POPDC3: variants seen among roughly 807,000 people sequenced by gnomAD.
POPDC3 encodes popeye domain-containing protein 3.
Under a neutral mutation model 28.2 loss-of-function variants are expected in POPDC3, and 20 were observed. That is an observed-to-expected ratio of 0.71 (90% CI 0.50 to 1.03). POPDC3 has a LOEUF of 1.03. POPDC3 is among the 50% of genes least tolerant of loss of function. The pLI is 0.00. For synonymous variants in POPDC3, 118 were observed against 124.1 expected, an observed-to-expected ratio of 0.95 and a Z score of 0.33; for missense variants, 316 against 345.9, an observed-to-expected ratio of 0.91 and a Z score of 0.69.
chr6:105,173,952 G>C (rs543534517), intron 1 of POPDC3, among the ~76,000 whole-genome samples: 25 of 152,154 alleles, frequency 1.6e-4, no homozygotes, highest in African/African-American at 5.8e-4. Flanking sequence ...AATTGATACA[G>C]AACTTAACAA....
chr6:105,175,544 T>TA (rs1456789339), intron 1 of POPDC3, among the ~76,000 whole-genome samples: 1 of 137,994 alleles, frequency 7.2e-6, no homozygotes, highest in Non-Finnish European at 1.6e-5. Flanking sequence ...TCTCCAAAAT[T>TA]AAAAAAATAA....
chr6:105,177,593 C>T lies in POPDC3; in HGVS notation c.-252+2240G>A, dbSNP rs111550759. Among the ~76,000 whole-genome samples the T allele has an allele frequency of 8.5e-5, 13 of 152,312 alleles. 1 individual carries two copies. Among genetic ancestry groups the T allele is most frequent in the African/African-American group, 2.9e-4 (12 of 41,556 alleles). On this transcript the variant is annotated intron_variant, in intron 1 of 3. Transcript: ENST00000254765. ...GCTGTGCTCTTTCTCTGTGCAGGTA[C>T]TAATTCCTAAAACAGATCCATTTAG...
At chr6:105,174,883 A>C (rs961338434) in intron 1 of POPDC3, among the ~76,000 whole-genome samples, 1 of 152,160 alleles carries the variant, frequency 6.6e-6, no homozygotes, top group Admixed American at 6.6e-5. Flanking sequence ...ATTATATCTG[A>C]AATGGCCAGG....
intron 1 of POPDC3, among the ~76,000 whole-genome samples, chr6:105,167,082 G>C (rs1774471449): frequency 1.3e-5 from 2 of 151,668 alleles, no homozygotes; most frequent in African/African-American, 2.4e-5. Flanking sequence ...AAATCAGAAA[G>C]CTCCTGAATC....
intron 1 of POPDC3, chr6:105,168,671 G>C (rs1170055204): frequency 6.6e-6 from 1 of 152,186 alleles, no homozygotes; most frequent in Non-Finnish European, 1.5e-5. Context: ...ATGCTCCCTT[G>C]ATTAGGTAAC....
chr6:105,158,824 T>C (rs2114522245), intron 3 of POPDC3, 73 bp from the exon 4 acceptor site: 3 of 1,313,770 alleles, frequency 2.3e-6, no homozygotes, highest in Non-Finnish European at 2.1e-6. Flanking sequence ...AGTACCCCAA[T>C]TGTTAAATTA....
intron 1 of POPDC3, among the ~76,000 whole-genome samples, chr6:105,177,802 G>T (rs537414172): frequency 7.9e-5 from 12 of 152,302 alleles, no homozygotes; most frequent in Admixed American, 1.3e-4. Flanking sequence ...GTCACTGGAG[G>T]TTATTATTCT....
intron 3 of POPDC3, 51 bp downstream of exon 3, chr6:105,159,660 A>G (rs1774275418): frequency 1.0e-6 from 1 of 998,232 alleles, no homozygotes; most frequent in Non-Finnish European, 1.6e-6. Context: ...TTTTTAAACA[A>G]ACATCTGTTT....
rs775794652 is a variant in POPDC3, at chr6:105,159,813, T to A, written c.492A>T (p.Arg164Ser). The change falls in exon 3 of 4, where the codon AGA (arginine) becomes AGT (serine). Residue 164 changes from arginine to serine, a missense_variant. Transcript: ENST00000254765. ...GCAGAAATTCGCCATCAACTGTCAC[T>A]CTGATCCTATCAAAACACAAGAACA... ...KLSLLVSGRI[R>S]VTVDGEFLHY... 1 of 1,607,464 alleles carries A rather than the reference T, an allele frequency of 6.2e-7. No homozygotes were observed. The highest frequency in any genetic ancestry group is 1.1e-5 in the South Asian group (1 of 90,900).
At chr6:105,178,777 C>T in intron 1 of POPDC3, 1 of 985,134 alleles carries the variant, frequency 1.0e-6, no homozygotes, top group Non-Finnish European at 1.2e-6. Context: ...AGTTATTGTA[C>T]TCTCACAAGA....
chr6:105,170,309 G>A (rs1055166871), intron 1 of POPDC3, among the ~76,000 whole-genome samples: 2 of 152,184 alleles, frequency 1.3e-5, no homozygotes, highest in Non-Finnish European at 2.9e-5. Context: ...AGAGAAACTA[G>A]ATACATTAAG....
At position 105,161,606 on chromosome 6, in the gene POPDC3, T is replaced by A. The variant is rs188736126; in HGVS notation, c.304A>T (p.Ile102Leu). 4.0e-5 allele frequency: 64 copies of A among 1,614,176 alleles called. No homozygotes were observed. The East Asian group carries it at 1.4e-3, about 34-fold the overall frequency. The change falls in exon 2 of 4, where the codon ATA becomes TTA. Residue 102 changes from isoleucine to leucine, a missense_variant. Physicochemically the swap from Ile to Leu is conservative, Grantham distance 5. Transcript: ENST00000254765. ...FVHIAYQVRS[I>L]TFAREFQVLY... ...ACTTGGAATTCTCGGGCAAAGGTTA[T>A]GCTGCGAACTTGATATGCAATATGA... is the stretch of plus-strand genomic sequence containing the variant.
intron 1 of POPDC3, among the ~76,000 whole-genome samples, chr6:105,164,828 A>C (rs1310265347): frequency 6.6e-6 from 1 of 152,238 alleles, no homozygotes; most frequent in Non-Finnish European, 1.5e-5. Context: ...AGTGCAAATA[A>C]ACACAGTTGT....
chr6:105,159,445 G>A (rs538295116), intron 3 of POPDC3, among the ~76,000 whole-genome samples: 3 of 152,214 alleles, frequency 2.0e-5, no homozygotes, highest in Admixed American at 6.5e-5. Context: ...TCCTAAATAC[G>A]CAGTTATGCA....
chr6:105,161,279 G>T, intron 2 of POPDC3, 146 bp downstream of exon 2: 1 of 786,906 alleles, frequency 1.3e-6, no homozygotes, highest in South Asian at 1.8e-5. Context: ...GGCTATGTCT[G>T]TGACTCAAGT....
intron 1 of POPDC3, among the ~76,000 whole-genome samples, chr6:105,174,701 TG>T (rs1774650344): frequency 6.6e-6 from 1 of 152,142 alleles, no homozygotes; most frequent in Non-Finnish European, 1.5e-5. Context: ...GAAAGAAACA[TG>T]GGCATTTCAA....
At chr6:105,176,070 A>G (rs1434162342) in intron 1 of POPDC3, among the ~76,000 whole-genome samples, 3 of 152,246 alleles carry the variant, frequency 2.0e-5, no homozygotes, top group Non-Finnish European at 4.4e-5. Flanking sequence ...TGTCAAGTTC[A>G]GCAATTCCTT....
At chr6:105,174,857 A>G (rs1473728916) in intron 1 of POPDC3, among the ~76,000 whole-genome samples, 1 of 152,188 alleles carries the variant, frequency 6.6e-6, no homozygotes, top group Non-Finnish European at 1.5e-5. Flanking sequence ...TCATTTAGTT[A>G]TAAAACTAAG....
chr6:105,158,847 G>T, intron 3 of POPDC3, 96 bp from the exon 4 acceptor site: 1 of 1,157,098 alleles, frequency 8.6e-7, no homozygotes, highest in Non-Finnish European at 1.2e-6. Context: ...TTCACGTGCT[G>T]CCTTTTTTTT....
Sources: gnomAD v4.1 joint callset for allele counts (sites outside exome capture counted in the v4.1 genomes callset) on GRCh38, gnomAD v4.1.1 for gene constraint, MANE v1.5 for transcripts, NCBI Gene and HGNC (gene_info 2026-07-23, HGNC 2026-07-21) for gene names.